PDIA5: variants seen among roughly 807,000 people sequenced by gnomAD.
The protein encoded by PDIA5 is protein disulfide-isomerase A5.
PDIA5 carries 58 observed loss-of-function variants against 77.6 expected under a neutral mutation model. The ratio of observed to expected loss-of-function variants is 0.75; its 90% CI spans 0.61 to 0.93. The LOEUF (loss-of-function observed/expected upper bound fraction) is 0.93, where lower values mean the gene tolerates loss of function less well. Ranked by LOEUF, PDIA5 falls within the 40% of genes least tolerant of loss-of-function variation. PDIA5 has a pLI of 0.00. For synonymous variants in PDIA5, 250 were observed against 252.1 expected (o/e 0.99, Z 0.08); for missense variants, 630 against 647.7 (o/e 0.97, Z 0.30).
At position 123,150,434 on chromosome 3, in the gene PDIA5, G is replaced by A. The variant is rs537813659; in HGVS notation, c.1273+70G>A. ...TGGCCCCACCAAACCAAAAAGACCC[G>A]CACACCCACCCCAGGGACCAAGGCA... On this transcript the variant is annotated intron_variant, in intron 14 of 16. Coordinates refer to ENST00000316218, the MANE Select transcript of PDIA5 (RefSeq NM_006810.4). The A allele has an allele frequency of 6.4e-5, 95 of 1,479,390 alleles. 1 individual carries two copies. In the South Asian group the frequency reaches 1.1e-3, roughly 16 times the overall value. 91.6% of individuals were successfully genotyped at this position (1,479,390 alleles called of 1,614,324 possible).
At chr3:123,077,282 A>G (rs1443367508) in intron 1 of PDIA5, among the ~76,000 whole-genome samples, 1 of 152,164 alleles carries the variant, frequency 6.6e-6, no homozygotes, top group Admixed American at 6.5e-5. Context: ...TACTTTATAC[A>G]CTTGTCAAGG....
intron 10 of PDIA5, among the ~76,000 whole-genome samples, chr3:123,126,161 G>A (rs1227526728): frequency 6.6e-6 from 1 of 152,086 alleles, no homozygotes; most frequent in African/African-American, 2.4e-5. Context: ...CACATCAATG[G>A]TGTTTCTGAA....
Position 123,161,301 on chromosome 3 carries a change from C to G in PDIA5, c.1345-20C>G, listed in dbSNP as rs1204968496. The G allele has an allele frequency of 6.2e-7, 1 of 1,611,818 alleles. No individual in the cohort carries two copies. The highest frequency in any genetic ancestry group is 8.5e-7 in the Non-Finnish European group (1 of 1,178,846). On this transcript the variant is annotated intron_variant, in intron 15 of 16. Transcript: ENST00000316218. ...AGCCTGGGGACACCCTGTGCCAACT[C>G]TCTTTACCTTGGCTCCTAGATTGCC...
chr3:123,134,283 G>A (rs543503841), intron 11 of PDIA5, among the ~76,000 whole-genome samples: 2 of 152,298 alleles, frequency 1.3e-5, no homozygotes, highest in African/African-American at 2.4e-5. Flanking sequence ...CCCAGTCAAT[G>A]TTAGTTTCTT....
intron 6 of PDIA5, among the ~76,000 whole-genome samples, chr3:123,107,953 C>T (rs1385014941): frequency 6.6e-6 from 1 of 152,174 alleles, no homozygotes; most frequent in Non-Finnish European, 1.5e-5. Flanking sequence ...CACATGCCAC[C>T]ATGCCTGGCT....
At chr3:123,121,883 C>T (rs1176160614) in intron 8 of PDIA5, among the ~76,000 whole-genome samples, 1 of 152,216 alleles carries the variant, frequency 6.6e-6, no homozygotes, top group Non-Finnish European at 1.5e-5. Flanking sequence ...AACTGTGACT[C>T]ATTCAAGGAA....
chr3:123,091,539 G>A (rs1257454067), intron 2 of PDIA5, among the ~76,000 whole-genome samples: 2 of 152,264 alleles, frequency 1.3e-5, no homozygotes, highest in South Asian at 2.1e-4. Context: ...TGAAATCCTG[G>A]CCACAGAGGC....
intron 15 of PDIA5, among the ~76,000 whole-genome samples, chr3:123,158,823 A>G (rs1252362149): frequency 6.6e-6 from 1 of 152,192 alleles, no homozygotes. Flanking sequence ...GATCAGTGCA[A>G]ATCTTGAGTT....
intron 3 of PDIA5, among the ~76,000 whole-genome samples, chr3:123,098,949 A>G (rs1344798884): frequency 6.6e-6 from 1 of 152,162 alleles, no homozygotes; most frequent in African/African-American, 2.4e-5. Flanking sequence ...TTAATCTCTC[A>G]ACTCAGATCC....
chr3:123,069,906 A>G (rs992188458), intron 1 of PDIA5, among the ~76,000 whole-genome samples: 3 of 152,084 alleles, frequency 2.0e-5, no homozygotes, highest in Admixed American at 1.3e-4. Context: ...CCTGGCCAAC[A>G]TGGTGAAACC....
intron 1 of PDIA5, among the ~76,000 whole-genome samples, chr3:123,084,334 A>C (rs1934081472): frequency 6.6e-6 from 1 of 151,918 alleles, no homozygotes; most frequent in South Asian, 2.1e-4. Context: ...CATTCTCTCC[A>C]GTGTTCCCAG....
chr3:123,072,992 G>A (rs1243094181), intron 1 of PDIA5, among the ~76,000 whole-genome samples: 1 of 151,362 alleles, frequency 6.6e-6, no homozygotes. Context: ...CCCAACGGGA[G>A]AGGGAAGGAG....
At chr3:123,125,834 A>T (rs1421279588) in intron 10 of PDIA5, among the ~76,000 whole-genome samples, 1 of 152,126 alleles carries the variant, frequency 6.6e-6, no homozygotes, top group African/African-American at 2.4e-5. Context: ...CCTCATTTCC[A>T]GCCCCTGCCT....
chr3:123,105,997 A>G (rs1934720620), intron 5 of PDIA5, among the ~76,000 whole-genome samples: 1 of 152,226 alleles, frequency 6.6e-6, no homozygotes, highest in Non-Finnish European at 1.5e-5. Flanking sequence ...TCTTCCCCAC[A>G]GGGAGTGGAG....
chr3:123,112,859 C>T (rs1934898297), intron 7 of PDIA5, among the ~76,000 whole-genome samples: 1 of 152,082 alleles, frequency 6.6e-6, no homozygotes, highest in African/African-American at 2.4e-5. Context: ...CGTGCCCGGC[C>T]CCCCAAGCCC....
intron 2 of PDIA5, among the ~76,000 whole-genome samples, chr3:123,090,079 C>T (rs889080662): frequency 4.6e-5 from 7 of 152,200 alleles, no homozygotes; most frequent in African/African-American, 9.6e-5. Flanking sequence ...AAGTTTTCCC[C>T]GGCAGCTCGG....
In PDIA5 at chr3:123,106,611, T is replaced by C; in HGVS notation, c.388-138T>C. 5 of 666,572 alleles carry C rather than the reference T, an allele frequency of 7.5e-6. No homozygotes were observed. In the South Asian group the frequency reaches 8.4e-5, roughly 11 times the overall value. The allele number at this position is 666,572 out of a possible 1,614,324, so 41.3% of individuals were successfully genotyped here. A position where few individuals can be genotyped will look rare whatever the true frequency, so the allele number is the denominator to read the frequency against. On this transcript the variant is annotated intron_variant, in intron 5 of 16. Transcript: ENST00000316218. ...AGCGGAAATAACACACCCTCCAAGC[T>C]TATGCCACATGCAGTCCTGAGCTCA...
At position 123,101,906 on chromosome 3, in the gene PDIA5, C is replaced by CTTTTTTTTTTTTTTTT. The variant is rs71623603; in HGVS notation, c.258-499_258-484dup. ...TCCCCTTCCTTTCCTTTCTTTCTTG[C>CTTTTTTTTTTTTTTTT]TTTTTTTTTTTTTTTTTTTTTGAGA... On this transcript the variant is annotated intron_variant, in intron 3 of 16. Transcript: ENST00000316218. 2.1e-3 allele frequency among the ~76,000 whole-genome samples: 148 copies of CTTTTTTTTTTTTTTTT among 71,396 alleles called. 11 individuals carry two copies. The highest frequency in any genetic ancestry group is 3.4e-3 in the Admixed American group (13 of 3,834). 46.8% of individuals were successfully genotyped at this position (71,396 alleles called of 152,430 possible). A position where few individuals can be genotyped will look rare whatever the true frequency, so the allele number is the denominator to read the frequency against.
intron 3 of PDIA5, among the ~76,000 whole-genome samples, chr3:123,095,002 G>C (rs1036386028): frequency 5.9e-5 from 9 of 152,136 alleles, no homozygotes; most frequent in Non-Finnish European, 8.8e-5. Flanking sequence ...CTCCAGTGTT[G>C]AGGTGTCTTT....
Sources: allele counts gnomAD v4.1 joint callset (sites outside exome capture counted in the v4.1 genomes callset), GRCh38; gene constraint gnomAD v4.1.1; transcripts MANE v1.5; gene names NCBI Gene and HGNC (gene_info 2026-07-23, HGNC 2026-07-21).